The following ELAC2 variants were observed in gnomAD, a reference collection of about 807,000 sequenced individuals.
ELAC2 encodes the protein elaC ribonuclease Z 2.
Under a neutral mutation model 105.2 loss-of-function variants are expected in ELAC2, and 92 were observed. That is an observed-to-expected ratio of 0.87 (90% CI 0.74 to 1.04). The LOEUF is 1.04. Among genes scored for constraint, ELAC2 ranks in the 50% least tolerant of loss-of-function variants. The probability of loss-of-function intolerance (pLI) is 0.00; values close to 1 mark genes in which losing one functional copy is unlikely to be tolerated. For synonymous variants in ELAC2, 468 were observed against 409.1 expected, an observed-to-expected ratio of 1.14 and a Z score of -1.74; for missense variants, 1,099 against 1,071.7, an observed-to-expected ratio of 1.03 and a Z score of -0.36.
intron 12 of ELAC2, 144 bp from the exon 13 acceptor site, chr17:13,002,723 A>T: frequency 7.5e-7 from 1 of 1,336,726 alleles, no homozygotes; most frequent in Non-Finnish European, 1.0e-6. Flanking sequence ...CTACATGGCC[A>T]AACATGGTCC....
At position 13,016,174 on chromosome 17, in the gene ELAC2, C is replaced by T. The variant is rs2143687105; in HGVS notation, c.368-342G>A. 1.3e-5 allele frequency among the ~76,000 whole-genome samples: 2 copies of T among 152,270 alleles called. 1 individual carries two copies. The highest frequency in any genetic ancestry group is 4.1e-4 in the South Asian group (2 of 4,828). ...AGGGAGACTGGTCTAACACTTCACT[C>T]CTTCCGGTCCATGCCACCAAGCCCA... On this transcript the variant is annotated intron_variant, in intron 3 of 23. Coordinates refer to ENST00000338034, the MANE Select transcript of ELAC2 (RefSeq NM_018127.7).
chr17:13,005,005 T>C lies in ELAC2; in HGVS notation c.967A>G (p.Asn323Asp), dbSNP rs1305210872. 5 of 1,613,966 alleles carry C rather than the reference T, an allele frequency of 3.1e-6. No individual in the cohort carries two copies. The highest frequency in any genetic ancestry group is 3.3e-5 in the Admixed American group (2 of 60,018). The change falls in exon 11 of 24, where the codon AAT (asparagine) becomes GAT (aspartate). Residue 323 changes from asparagine to aspartate, a missense_variant. Coordinates refer to ENST00000338034, the MANE Select transcript of ELAC2 (RefSeq NM_018127.7). ...CCTCATTACCTCTGAAAGGTGGCAT[T>C]CTCACAGATGGGTTGAATGAAGCTT... ...DESFIQPICE[N>D]ATFQRYQGKA...
intron 7 of ELAC2, among the ~76,000 whole-genome samples, chr17:13,011,375 A>AAACAGG (rs2143659461): frequency 6.6e-6 from 1 of 152,318 alleles, no homozygotes; most frequent in East Asian, 1.9e-4. Context: ...TACAAAATGA[A>AAACAGG]TCCGTTTGTC....
Position 12,993,061 on chromosome 17 carries a change from G to T in ELAC2, c.2254-16C>A. Reference sequence around the variant, plus strand: ...CAAAGCAGACCTAGAAGACACAATAGAAGACAAGGACATGTCTCAGAGGGG... The same window carrying T: ...CAAAGCAGACCTAGAAGACACAATATAAGACAAGGACATGTCTCAGAGGGG... On this transcript the variant is annotated splice_polypyrimidine_tract_variant and intron_variant, in intron 23 of 23. Coordinates refer to ENST00000338034, the MANE Select transcript of ELAC2 (RefSeq NM_018127.7). The T allele has an allele frequency of 1.2e-6, 2 of 1,600,056 alleles. No individual in the cohort carries two copies. Among genetic ancestry groups the T allele is most frequent in the Non-Finnish European group, 1.7e-6 (2 of 1,179,270 alleles).
rs190687570 is a variant in ELAC2, at chr17:12,999,354, G to A, written c.1423+802C>T. Among the ~76,000 whole-genome samples the A allele has an allele frequency of 4.5e-4, 69 of 152,314 alleles. 2 individuals are homozygous for A. The highest frequency in any genetic ancestry group is 1.4e-3 in the African/African-American group (60 of 41,578). ...GGTAGGAAATGCTCTGCTTCCCAAG[G>A]GGGAAACAGGCTCAGACGCCCAGGT... On this transcript the variant is annotated intron_variant, in intron 15 of 23. Coordinates refer to ENST00000338034, the MANE Select transcript of ELAC2 (RefSeq NM_018127.7).
chr17:13,002,703 A>G (rs1315810945), intron 12 of ELAC2, 124 bp from the exon 13 acceptor site: 2 of 1,483,238 alleles, frequency 1.3e-6, no homozygotes, highest in East Asian at 4.9e-5. Flanking sequence ...ACTTGCCCCA[A>G]GCAGTGTTAC....
chr17:12,998,304 A>T (rs2040573478), intron 16 of ELAC2, 108 bp downstream of exon 16: 3 of 1,071,846 alleles, frequency 2.8e-6, no homozygotes, highest in Non-Finnish European at 4.3e-6. Flanking sequence ...ATGACAAGTG[A>T]CAGGGCTTGA....
At chr17:12,993,583 G>GC (rs909293787) in intron 23 of ELAC2, 104 bp downstream of exon 23, 4 of 1,548,612 alleles carry the variant, frequency 2.6e-6, no homozygotes, top group Non-Finnish European at 2.7e-6. Flanking sequence ...TCCCACGGTG[G>GC]CCCCAAATAA....
At chr17:13,000,330 G>C in intron 14 of ELAC2, 56 bp from the exon 15 acceptor site, 1 of 1,480,642 alleles carries the variant, frequency 6.8e-7, no homozygotes, top group East Asian at 2.3e-5. Flanking sequence ...GGCCTCAGCA[G>C]ACCCCATTGG....
chr17:13,005,866 T>G, intron 9 of ELAC2, 41 bp from the exon 10 acceptor site: 1 of 1,614,184 alleles, frequency 6.2e-7, no homozygotes. Context: ...TGTGATTTCC[T>G]TAAGTGGACA....
intron 1 of ELAC2, 29 bp downstream of exon 1, chr17:13,017,674 G>GCGGGA: frequency 6.2e-7 from 1 of 1,613,326 alleles, no homozygotes. Flanking sequence ...TGAGGGCCCA[G>GCGGGA]CGGGACGGGG....
intron 6 of ELAC2, 23 bp downstream of exon 6, chr17:13,013,184 G>A (rs762101390): frequency 1.1e-5 from 18 of 1,613,802 alleles, no homozygotes; most frequent in Non-Finnish European, 1.4e-5. Context: ...CCTCCTCCTG[G>A]GAAACCTGGC....
In ELAC2 at chr17:13,001,496, A is replaced by T. The variant is rs569641735; in HGVS notation, c.1304+778T>A. On this transcript the variant is annotated intron_variant, in intron 14 of 23. Coordinates refer to ENST00000338034, the MANE Select transcript of ELAC2 (RefSeq NM_018127.7). ...AACAAGAGTGAAACTCCGTCTCAAA[A>T]AAATAAATAAATAAATAAAATAAAT... 9.3e-4 allele frequency among the ~76,000 whole-genome samples: 142 copies of T among 151,954 alleles called. 2 individuals carry two copies. In the South Asian group the frequency reaches 0.026, roughly 28 times the overall value.
At chr17:12,996,234 G>A (rs2040462379) in intron 17 of ELAC2, 1 of 627,898 alleles carries the variant, frequency 1.6e-6, no homozygotes, top group Admixed American at 2.8e-5. Flanking sequence ...CCAAGGTGAG[G>A]GTCTCATAGC....
chr17:12,998,264 C>T (rs915581191), intron 16 of ELAC2, 148 bp downstream of exon 16: 22 of 779,452 alleles, frequency 2.8e-5, no homozygotes, highest in Non-Finnish European at 4.6e-5. Flanking sequence ...GCAGTAAGGC[C>T]ACGCTCCTCT....
intron 15 of ELAC2, 136 bp from the exon 16 acceptor site, chr17:12,998,644 G>A (rs578137838): frequency 2.8e-5 from 24 of 843,848 alleles, no homozygotes; most frequent in South Asian, 2.4e-4. Context: ...TCCCTAGTAT[G>A]GCGGTTTTGG....
chr17:13,008,320 G>A (rs2041221739), intron 8 of ELAC2, among the ~76,000 whole-genome samples: 1 of 151,692 alleles, frequency 6.6e-6, no homozygotes, highest in Non-Finnish European at 1.5e-5. Context: ...GACCATCCTG[G>A]CCAACATGGT....
rs558008441 is a variant in ELAC2, at chr17:12,991,845, C to CAACTT, written c.*968_*972dup. ...GAATATACACAATAAATACTAGATT[C>CAACTT]AACTTACTTACTTACTTACTTACTT... On this transcript the variant is annotated 3_prime_UTR_variant, in exon 24 of 24. Transcript: ENST00000338034. Among the ~76,000 whole-genome samples, 15 of 141,462 alleles carry CAACTT rather than the reference C, an allele frequency of 1.1e-4. No homozygotes were observed. The South Asian group carries it at 2.4e-3, about 22-fold the overall frequency. 92.8% of individuals were successfully genotyped at this position (141,462 alleles called of 152,430 possible).
intron 6 of ELAC2, among the ~76,000 whole-genome samples, chr17:13,012,871 A>C (rs1382939284): frequency 6.6e-6 from 1 of 151,854 alleles, no homozygotes; most frequent in African/African-American, 2.4e-5. Flanking sequence ...ATCTGTGCAA[A>C]CCTCTTCATG....
Sources: gnomAD v4.1 joint callset for allele counts (sites outside exome capture counted in the v4.1 genomes callset) on GRCh38, gnomAD v4.1.1 for gene constraint, MANE v1.5 for transcripts, NCBI Gene and HGNC (gene_info 2026-07-23, HGNC 2026-07-21) for gene names.